Variants in LYSMD1 observed in about 807,000 individuals in gnomAD.
The protein encoded by LYSMD1 is LysM domain containing 1.
Under a neutral mutation model 19.3 loss-of-function variants are expected in LYSMD1, and 9 were observed. The observed-to-expected ratio is 0.47, with a 90% confidence interval of 0.28 to 0.81. The LOEUF (loss-of-function observed/expected upper bound fraction) is 0.81. Among genes scored for constraint, LYSMD1 ranks in the 40% least tolerant of loss-of-function variants. The probability of loss-of-function intolerance (pLI) is 0.11; values close to 1 mark genes in which losing one functional copy is unlikely to be tolerated. For synonymous variants in LYSMD1, 111 were observed against 111.7 expected, an observed-to-expected ratio of 0.99 and a Z score of 0.04; for missense variants, 262 against 279.8, an observed-to-expected ratio of 0.94 and a Z score of 0.45.
the LYSMD1 span, among the ~76,000 whole-genome samples, chr1:151,150,598 C>T: frequency 6.6e-6 from 1 of 152,138 alleles, no homozygotes; most frequent in Admixed American, 6.5e-5. Context: ...TTGACTCCCC[C>T]CTCCTTGAAA....
the LYSMD1 span, among the ~76,000 whole-genome samples, chr1:151,150,117 A>C: frequency 2.0e-5 from 3 of 151,996 alleles, no homozygotes; most frequent in Non-Finnish European, 4.4e-5. Context: ...GCACACAGAA[A>C]GTATTAACTT....
chr1:151,165,877 T>A lies in LYSMD1; in HGVS notation c.-619A>T. 9.1e-7 allele frequency: 1 copy of A among 1,099,672 alleles called. No individual in the cohort carries two copies. The highest frequency in any genetic ancestry group is 1.4e-6 in the Non-Finnish European group (1 of 736,342). 68.1% of individuals were successfully genotyped at this position (1,099,672 alleles called of 1,614,324 possible). A position where few individuals can be genotyped will look rare whatever the true frequency, so the allele number is the denominator to read the frequency against. On this transcript the variant is annotated 5_prime_UTR_variant, in exon 1 of 3. Transcript: ENST00000368908. The stretch of plus-strand genomic sequence containing the variant: ...CCAAGATGCAAGGGCCTGGATCCAG[T>A]TGAGCGGCAAGGTCTTTGAGAAAAG...
rs1369069439 is a variant in LYSMD1, at chr1:151,160,747, C to T, written c.*135G>A. 2 of 1,149,690 alleles carry T rather than the reference C, an allele frequency of 1.7e-6. No individual in the cohort carries two copies. The highest frequency in any genetic ancestry group is 1.2e-6 in the Non-Finnish European group (1 of 822,640). The allele number at this position is 1,149,690 out of a possible 1,614,324, so 71.2% of individuals were successfully genotyped here. A position where few individuals can be genotyped will look rare whatever the true frequency, so the allele number is the denominator to read the frequency against. ...CCCAGGCCAAGGAATTTTTGGCAGACAAGGAGGCTGGGGAGGATGGCTGGA... is the reference window on the plus strand; with the variant it reads ...CCCAGGCCAAGGAATTTTTGGCAGATAAGGAGGCTGGGGAGGATGGCTGGA... On this transcript the variant is annotated 3_prime_UTR_variant, in exon 3 of 3. Transcript: ENST00000368908.
rs1683369112 is a variant in LYSMD1 at position 151,159,890 on chromosome 1, T to C, written c.*992A>G. On this transcript the variant is annotated 3_prime_UTR_variant, in exon 3 of 3. Coordinates refer to ENST00000368908, the MANE Select transcript of LYSMD1 (RefSeq NM_212551.5). ...AGGCAGATTTCCATTATTACTGAGG[T>C]TCCCTTACCTACTTCTGTTTAAGAA... 6.0e-6 allele frequency: 1 copy of C among 166,896 alleles called. No homozygotes were observed. 10.3% of individuals were successfully genotyped at this position (166,896 alleles called of 1,614,324 possible).
At chr1:151,159,277 C>T (rs999098238), downstream of LYSMD1, 3 of 1,586,232 alleles carry the variant, frequency 1.9e-6, no homozygotes, top group East Asian at 6.7e-5. Flanking sequence ...GCACATTCCA[C>T]CTTGACAAAA....
downstream of LYSMD1, chr1:151,156,560 C>T (rs1299665787): frequency 6.6e-6 from 1 of 152,212 alleles, no homozygotes; most frequent in Non-Finnish European, 1.5e-5. Context: ...GGGCCATAGG[C>T]CTTCTTGGTG....
downstream of LYSMD1, chr1:151,156,747 G>C (rs1256243199): frequency 6.6e-6 from 1 of 152,228 alleles, no homozygotes; most frequent in Non-Finnish European, 1.5e-5. Flanking sequence ...GTGACAGAAT[G>C]GTAGACTTTA....
downstream of LYSMD1, among the ~76,000 whole-genome samples, chr1:151,158,115 G>A (rs1231040870): frequency 6.6e-6 from 1 of 152,140 alleles, no homozygotes; most frequent in African/African-American, 2.4e-5. Flanking sequence ...ATGAGGTCAG[G>A]AGTTCGAGAC....
In LYSMD1 at chr1:151,165,458, G is replaced by C; in HGVS notation, c.-200C>G. ...CTCCAAGCTACTTATCCACAAATCTGTCCCTTGAGTATTCAGTCCCTCCCT... is the reference window on the plus strand; with the variant it reads ...CTCCAAGCTACTTATCCACAAATCTCTCCCTTGAGTATTCAGTCCCTCCCT... On this transcript the variant is annotated 5_prime_UTR_variant, in exon 1 of 3. Coordinates refer to ENST00000368908, the MANE Select transcript of LYSMD1 (RefSeq NM_212551.5). 5 of 1,430,838 alleles carry C rather than the reference G, an allele frequency of 3.5e-6. No individual in the cohort carries two copies. Among genetic ancestry groups the C allele is most frequent in the Non-Finnish European group, 4.5e-6 (5 of 1,099,634 alleles). 88.6% of individuals were successfully genotyped at this position (1,430,838 alleles called of 1,614,324 possible).
downstream of LYSMD1, among the ~76,000 whole-genome samples, chr1:151,155,615 C>T (rs750016139): frequency 1.3e-5 from 2 of 152,020 alleles, no homozygotes; most frequent in Admixed American, 6.6e-5. Flanking sequence ...ACTTGGGAGG[C>T]TGAAGTAGGA....
Position 151,161,036 on chromosome 1 carries a change from G to C in LYSMD1, c.546-16C>G, listed in dbSNP as rs377439741. 38 of 1,612,680 alleles carry C rather than the reference G, an allele frequency of 2.4e-5. No homozygotes were observed. Among genetic ancestry groups the C allele is most frequent in the Non-Finnish European group, 2.2e-5 (26 of 1,179,054 alleles). On this transcript the variant is annotated splice_polypyrimidine_tract_variant and intron_variant, in intron 2 of 2. Transcript: ENST00000368908. Reference sequence around the variant, plus strand: ...CCCAGGTACCCTGCAATTGAGGAAAGGGGGGAAAGAGTGACAGATCAAGGG... The same window carrying C: ...CCCAGGTACCCTGCAATTGAGGAAACGGGGGAAAGAGTGACAGATCAAGGG...
At chr1:151,156,058 C>T (rs1044237702), downstream of LYSMD1, among the ~76,000 whole-genome samples, 7 of 140,754 alleles carry the variant, frequency 5.0e-5, no homozygotes, top group Non-Finnish European at 1.1e-4. Flanking sequence ...CGAGATCACC[C>T]CATTGCACTC....
At chr1:151,156,385 C>G (rs1249492931), downstream of LYSMD1, among the ~76,000 whole-genome samples, 1 of 152,138 alleles carries the variant, frequency 6.6e-6, no homozygotes, top group Non-Finnish European at 1.5e-5. Context: ...CTTCCCAGTA[C>G]TGTAGAAATG....
chr1:151,154,746 A>C, the LYSMD1 span, among the ~76,000 whole-genome samples: 1 of 152,060 alleles, frequency 6.6e-6, no homozygotes, highest in Non-Finnish European at 1.5e-5. Flanking sequence ...CCCTGGTTCA[A>C]GCGAATCTCC....
chr1:151,161,543 G>C (rs1683457236), intron 2 of LYSMD1, among the ~76,000 whole-genome samples, 193 bp downstream of exon 2: 1 of 151,670 alleles, frequency 6.6e-6, no homozygotes, highest in Admixed American at 6.6e-5. Context: ...TAAGAACACA[G>C]AACCCAGTTT....
At chr1:151,152,229 C>T in the LYSMD1 span, among the ~76,000 whole-genome samples, 1 of 151,550 alleles carries the variant, frequency 6.6e-6, no homozygotes, top group South Asian at 2.1e-4. Flanking sequence ...AACCCCGTGT[C>T]GATTAAAAAT....
the LYSMD1 span, among the ~76,000 whole-genome samples, chr1:151,152,068 A>C: frequency 7.2e-5 from 11 of 152,104 alleles, no homozygotes; most frequent in Admixed American, 1.3e-4. Flanking sequence ...CCTATGGCTC[A>C]GAGGAAAAAC....
At chr1:151,153,369 T>C in the LYSMD1 span, among the ~76,000 whole-genome samples, 4 of 151,808 alleles carry the variant, frequency 2.6e-5, no homozygotes, top group African/African-American at 7.3e-5. Context: ...TAAAAAAAAT[T>C]TGTGGCCAGG....
intron 1 of LYSMD1, among the ~76,000 whole-genome samples, chr1:151,164,854 C>T (rs1241159979): frequency 6.6e-6 from 1 of 152,148 alleles, no homozygotes; most frequent in Non-Finnish European, 1.5e-5. Flanking sequence ...GTATGTGAAG[C>T]CCTCAGCACA....
Sources: gnomAD v4.1 joint callset for allele counts (sites outside exome capture counted in the v4.1 genomes callset) on GRCh38, gnomAD v4.1.1 for gene constraint, MANE v1.5 for transcripts, NCBI Gene and HGNC (gene_info 2026-07-23, HGNC 2026-07-21) for gene names.